ERBB4: variants seen among roughly 807,000 people sequenced by gnomAD.
ERBB4 encodes the protein receptor tyrosine-protein kinase erbB-4.
ERBB4 carries 42 observed loss-of-function variants against 158.0 expected under a neutral mutation model. That is an observed-to-expected ratio of 0.27 (90% CI 0.21 to 0.34). ERBB4 has a LOEUF of 0.34. Among genes scored for constraint, ERBB4 ranks in the 10% least tolerant of loss-of-function variants. The pLI is 1.00. For missense variants in ERBB4, 1,333 were observed against 1,624.1 expected, an observed-to-expected ratio of 0.82 and a Z score of 3.08; for synonymous variants, 583 against 558.7, an observed-to-expected ratio of 1.04 and a Z score of -0.61.
intron 25 of ERBB4, among the ~76,000 whole-genome samples, chr2:211,412,205 GAA>G (rs574989040): frequency 2.0e-5 from 3 of 152,206 alleles, no homozygotes; most frequent in East Asian, 3.9e-4. Flanking sequence ...AAAATTGGAA[GAA>G]AGTCCATCTC....
chr2:211,468,470 A>C (rs781043082), intron 20 of ERBB4, among the ~76,000 whole-genome samples: 9 of 152,158 alleles, frequency 5.9e-5, no homozygotes, highest in Non-Finnish European at 1.3e-4. Context: ...GGGCTGTTTG[A>C]TAGAGAACAG....
At position 211,646,438 on chromosome 2, in the gene ERBB4, T is replaced by C. The variant is rs539540702; in HGVS notation, c.1946+11316A>G. Among the ~76,000 whole-genome samples the C allele has an allele frequency of 1.6e-4, 24 of 151,702 alleles. No homozygotes were observed. In the East Asian group the frequency reaches 4.6e-3, roughly 29 times the overall value. Reference sequence around the variant, plus strand: ...TTAAAAGAAAGGCATATGGGACAAATCACTAAGACCAGAACCATTGCTTGA... The same window carrying C: ...TTAAAAGAAAGGCATATGGGACAAACCACTAAGACCAGAACCATTGCTTGA... On this transcript the variant is annotated intron_variant, in intron 16 of 27. Transcript: ENST00000342788.
At chr2:211,750,193 C>T (rs1360918699) in intron 5 of ERBB4, among the ~76,000 whole-genome samples, 31 of 152,136 alleles carry the variant, frequency 2.0e-4, no homozygotes, top group Non-Finnish European at 1.5e-5. Flanking sequence ...TATCCCTGTG[C>T]CTGGAACAGT....
At chr2:212,518,775 T>A (rs184266322) in intron 1 of ERBB4, among the ~76,000 whole-genome samples, 19 of 152,160 alleles carry the variant, frequency 1.2e-4, no homozygotes, top group Non-Finnish European at 2.2e-4. Context: ...TGTGTTGAGA[T>A]AATATCTGCT....
chr2:211,464,296 T>C (rs549576612), intron 20 of ERBB4, among the ~76,000 whole-genome samples: 1 of 152,288 alleles, frequency 6.6e-6, no homozygotes, highest in East Asian at 1.9e-4. Context: ...CAAATATTTA[T>C]TGGGCATATG....
At chr2:212,378,520 A>T (rs539177360) in intron 1 of ERBB4, among the ~76,000 whole-genome samples, 2 of 151,908 alleles carry the variant, frequency 1.3e-5, no homozygotes, top group Non-Finnish European at 2.9e-5. Flanking sequence ...ATACTGGGGT[A>T]CCATCTTCTG....
intron 25 of ERBB4, among the ~76,000 whole-genome samples, chr2:211,411,160 G>A (rs1212088344): frequency 1.3e-5 from 2 of 152,322 alleles, no homozygotes; most frequent in Non-Finnish European, 1.5e-5. Flanking sequence ...ACCCACCTCA[G>A]CCTCCCAAAG....
At chr2:211,875,878 T>C (rs1429297133) in intron 3 of ERBB4, among the ~76,000 whole-genome samples, 2 of 152,318 alleles carry the variant, frequency 1.3e-5, no homozygotes, top group East Asian at 3.9e-4. Context: ...GTATTCAGTA[T>C]GGTAGCATGC....
chr2:211,854,357 G>A (rs1303263946), intron 3 of ERBB4, among the ~76,000 whole-genome samples: 1 of 152,018 alleles, frequency 6.6e-6, no homozygotes, highest in Non-Finnish European at 1.5e-5. Context: ...GAAAAATGAT[G>A]AAATCAGAAA....
intron 19 of ERBB4, among the ~76,000 whole-genome samples, chr2:211,585,771 A>G (rs141682667): frequency 0.013 from 2,053 of 152,228 alleles, 28 homozygotes; most frequent in Middle Eastern, 0.052. Flanking sequence ...CCTATTATTC[A>G]GGTGCAGACT....
At chr2:212,475,623 A>G (rs1161252162) in intron 1 of ERBB4, among the ~76,000 whole-genome samples, 1 of 152,144 alleles carries the variant, frequency 6.6e-6, no homozygotes, top group Non-Finnish European at 1.5e-5. Context: ...CTTTCATTCT[A>G]TGAGGGGAAG....
At chr2:211,691,937 C>T (rs753732980) in intron 12 of ERBB4, among the ~76,000 whole-genome samples, 11 of 152,110 alleles carry the variant, frequency 7.2e-5, no homozygotes, top group African/African-American at 2.4e-4. Flanking sequence ...AAAGAGCTGT[C>T]GGAATCCGTT....
chr2:211,690,471 T>A (rs1439113031), intron 12 of ERBB4, among the ~76,000 whole-genome samples: 1 of 152,124 alleles, frequency 6.6e-6, no homozygotes, highest in Non-Finnish European at 1.5e-5. Flanking sequence ...CCTCCCTAAG[T>A]CTTTATCATA....
intron 1 of ERBB4, among the ~76,000 whole-genome samples, chr2:212,516,145 T>C (rs1221312873): frequency 2.0e-5 from 3 of 151,870 alleles, no homozygotes; most frequent in African/African-American, 7.2e-5. Context: ...CACAGACACA[T>C]ACACTCATGT....
At chr2:212,442,693 A>T (rs1003181561) in intron 1 of ERBB4, among the ~76,000 whole-genome samples, 2 of 152,172 alleles carry the variant, frequency 1.3e-5, no homozygotes, top group Admixed American at 6.5e-5. Context: ...TGGCATAGAC[A>T]TACTTAGCAA....
At chr2:211,868,877 T>C (rs79093925) in intron 3 of ERBB4, among the ~76,000 whole-genome samples, 7,230 of 152,310 alleles carry the variant, frequency 0.047, 273 homozygotes, top group Non-Finnish European at 0.067. Flanking sequence ...TTACTTTCAC[T>C]ATGTCTAAGT....
intron 1 of ERBB4, among the ~76,000 whole-genome samples, chr2:212,343,659 C>A (rs2088833543): frequency 6.6e-6 from 1 of 152,076 alleles, no homozygotes; most frequent in Non-Finnish European, 1.5e-5. Context: ...CTCACAAAAA[C>A]AAATCATAAC....
chr2:211,855,011 C>A (rs1170279654), intron 3 of ERBB4, among the ~76,000 whole-genome samples: 10 of 152,214 alleles, frequency 6.6e-5, no homozygotes, highest in African/African-American at 2.2e-4. Context: ...TCCATGTACT[C>A]AACAACATTC....
At chr2:211,926,100 T>A (rs2080015020) in intron 3 of ERBB4, among the ~76,000 whole-genome samples, 1 of 152,180 alleles carries the variant, frequency 6.6e-6, no homozygotes, top group African/African-American at 2.4e-5. Context: ...TAACTAGGAA[T>A]GTCTCGGAGC....
Sources: allele counts gnomAD v4.1 joint callset (sites outside exome capture counted in the v4.1 genomes callset), GRCh38; gene constraint gnomAD v4.1.1; transcripts MANE v1.5; gene names NCBI Gene and HGNC (gene_info 2026-07-23, HGNC 2026-07-21).